SLC30A8: variants seen among roughly 807,000 people sequenced by gnomAD.
The protein encoded by SLC30A8 is solute carrier family 30 member 8.
Under a neutral mutation model 36.9 loss-of-function variants are expected in SLC30A8, and 27 were observed. The ratio of observed to expected loss-of-function variants is 0.73; its 90% CI spans 0.54 to 1.01. SLC30A8 has a LOEUF of 1.01. Among genes scored for constraint, SLC30A8 ranks in the 50% least tolerant of loss-of-function variants. SLC30A8 has a pLI of 0.00. For synonymous variants in SLC30A8, 164 were observed against 172.4 expected (o/e 0.95, Z 0.38); for missense variants, 439 against 452.0 (o/e 0.97, Z 0.26).
At chr8:117,071,846 C>G (rs1189014035) in intron 2 of SLC30A8, among the ~76,000 whole-genome samples, 2 of 152,022 alleles carry the variant, frequency 1.3e-5, no homozygotes, top group Non-Finnish European at 2.9e-5. Context: ...AATAAACATG[C>G]TAGTTTTTCT....
chr8:117,058,884 T>G (rs1214927008), intron 2 of SLC30A8, among the ~76,000 whole-genome samples: 1 of 152,134 alleles, frequency 6.6e-6, no homozygotes, highest in Non-Finnish European at 1.5e-5. Context: ...AGTTGAGAGG[T>G]TAAAACAAAG....
intron 1 of SLC30A8, among the ~76,000 whole-genome samples, chr8:116,993,740 C>A (rs901750261): frequency 2.0e-5 from 3 of 151,820 alleles, no homozygotes; most frequent in African/African-American, 7.3e-5. Flanking sequence ...TAAAAACTTA[C>A]TGGATATGAT....
At chr8:117,023,559 A>T (rs1213123598) in intron 1 of SLC30A8, among the ~76,000 whole-genome samples, 1 of 152,124 alleles carries the variant, frequency 6.6e-6, no homozygotes, top group Non-Finnish European at 1.5e-5. Context: ...TGATGAGTTC[A>T]TGTATTTTGT....
At chr8:117,109,451 C>T (rs757739674) in intron 2 of SLC30A8, among the ~76,000 whole-genome samples, 39 of 152,174 alleles carry the variant, frequency 2.6e-4, no homozygotes, top group Middle Eastern at 6.8e-3. Flanking sequence ...ACTTCTAGCC[C>T]TTGAGAAAAT....
intron 1 of SLC30A8, among the ~76,000 whole-genome samples, chr8:117,031,282 G>T (rs116427682): frequency 0.014 from 2,164 of 152,230 alleles, 43 homozygotes; most frequent in African/African-American, 0.049. Context: ...AGGCCATTTT[G>T]CTGGTAAGAA....
At chr8:116,987,475 T>C (rs536538825) in intron 1 of SLC30A8, among the ~76,000 whole-genome samples, 3 of 152,140 alleles carry the variant, frequency 2.0e-5, no homozygotes, top group South Asian at 2.1e-4. Context: ...ATAAAATAAA[T>C]ATTGTCTAGG....
At chr8:117,141,968 G>A (rs1489883600) in intron 1 of SLC30A8, among the ~76,000 whole-genome samples, 2 of 152,110 alleles carry the variant, frequency 1.3e-5, no homozygotes, top group East Asian at 1.9e-4. Context: ...GGGAAATTGA[G>A]GCACAGAGAG....
At chr8:117,153,667 C>T (rs1822309715) in intron 3 of SLC30A8, among the ~76,000 whole-genome samples, 1 of 151,706 alleles carries the variant, frequency 6.6e-6, no homozygotes, top group Non-Finnish European at 1.5e-5. Flanking sequence ...TGCGCTGGTT[C>T]CTTCACTGAA....
intron 2 of SLC30A8, among the ~76,000 whole-genome samples, chr8:117,127,834 GT>G (rs1308269843): frequency 2.0e-5 from 3 of 151,960 alleles, no homozygotes; most frequent in African/African-American, 7.2e-5. Flanking sequence ...CTTTATTCTG[GT>G]TTTATGAATG....
At chr8:117,143,589 T>TTTTTAACTTC (rs1821758606) in intron 1 of SLC30A8, among the ~76,000 whole-genome samples, 1 of 152,004 alleles carries the variant, frequency 6.6e-6, no homozygotes, top group African/African-American at 2.4e-5. Flanking sequence ...ATCTTAACTT[T>TTTTTAACTTC]GGTTTTTAAC....
intron 2 of SLC30A8, among the ~76,000 whole-genome samples, chr8:117,106,209 T>C (rs1819988967): frequency 1.3e-5 from 2 of 152,202 alleles, no homozygotes; most frequent in Non-Finnish European, 2.9e-5. Flanking sequence ...TAGCCACATG[T>C]GGTTTTCGAA....
At chr8:117,009,306 C>T (rs1468365699) in intron 1 of SLC30A8, among the ~76,000 whole-genome samples, 1 of 152,090 alleles carries the variant, frequency 6.6e-6, no homozygotes, top group Non-Finnish European at 1.5e-5. Context: ...TCTGGAACTC[C>T]AGAAATCATA....
intron 3 of SLC30A8, among the ~76,000 whole-genome samples, chr8:117,157,412 T>C (rs1177391811): frequency 1.3e-5 from 2 of 152,048 alleles, no homozygotes; most frequent in African/African-American, 4.8e-5. Flanking sequence ...AAACAGGGGG[T>C]AGGGGCAGGC....
chr8:117,088,705 C>T (rs1818982084), intron 2 of SLC30A8, among the ~76,000 whole-genome samples: 1 of 152,188 alleles, frequency 6.6e-6, no homozygotes, highest in South Asian at 2.1e-4. Flanking sequence ...GCTTTCAACA[C>T]CTTTAGGTAA....
At chr8:117,079,130 G>C (rs1818582398) in intron 2 of SLC30A8, among the ~76,000 whole-genome samples, 1 of 151,892 alleles carries the variant, frequency 6.6e-6, no homozygotes, top group Non-Finnish European at 1.5e-5. Flanking sequence ...TCCTGCTTCA[G>C]CCTCCCCAGT....
At chr8:117,169,016 TTACACA>T (rs1172930774) in intron 6 of SLC30A8, among the ~76,000 whole-genome samples, 10 of 152,168 alleles carry the variant, frequency 6.6e-5, no homozygotes, top group Non-Finnish European at 1.0e-4. Context: ...TGCACAAACT[TTACACA>T]TAGTGGGCCC....
intron 2 of SLC30A8, among the ~76,000 whole-genome samples, chr8:117,149,529 C>T (rs1293703621): frequency 1.3e-5 from 2 of 152,124 alleles, no homozygotes; most frequent in Non-Finnish European, 1.5e-5. Context: ...TAAACGTGAG[C>T]TATACACACA....
At chr8:116,951,152 C>A (rs941453233) in intron 1 of SLC30A8, 10 of 152,108 alleles carry the variant, frequency 6.6e-5, no homozygotes, top group African/African-American at 2.4e-4. Context: ...CTTCAATTTT[C>A]TCATTTGTAG....
chr8:117,109,303 T>A (rs1223307156), intron 2 of SLC30A8, among the ~76,000 whole-genome samples: 1 of 152,156 alleles, frequency 6.6e-6, no homozygotes, highest in Non-Finnish European at 1.5e-5. Flanking sequence ...GAGGAAATAG[T>A]GATGGGCAGG....
Sources: gnomAD v4.1 joint callset for allele counts (sites outside exome capture counted in the v4.1 genomes callset) on GRCh38, gnomAD v4.1.1 for gene constraint, MANE v1.5 for transcripts, NCBI Gene and HGNC (gene_info 2026-07-23, HGNC 2026-07-21) for gene names.